The following RPS6KC1 variants were observed in gnomAD, a reference collection of about 807,000 sequenced individuals.
RPS6KC1 encodes the protein inactive ribosomal protein S6 kinase delta-1.
RPS6KC1 carries 54 observed loss-of-function variants against 103.8 expected under a neutral mutation model. That is an observed-to-expected ratio of 0.52 (90% CI 0.42 to 0.65). The LOEUF is 0.65. RPS6KC1 is among the 30% of genes least tolerant of loss of function. The probability of loss-of-function intolerance (pLI) is 0.00; values close to 1 mark genes in which losing one functional copy is unlikely to be tolerated. For missense variants in RPS6KC1, 1,151 were observed against 1,253.8 expected (o/e 0.92, Z 1.24); for synonymous variants, 439 against 438.7 (o/e 1.00, Z -0.01).
chr1:213,127,479 C>A (rs1043525806), intron 5 of RPS6KC1, among the ~76,000 whole-genome samples: 1 of 152,174 alleles, frequency 6.6e-6, no homozygotes, highest in African/African-American at 2.4e-5. Context: ...CTACCATGGT[C>A]GTCTTGAGGA....
the RPS6KC1 span, among the ~76,000 whole-genome samples, chr1:213,397,590 C>CAA: frequency 6.7e-5 from 1 of 14,952 alleles, no homozygotes; most frequent in African/African-American, 2.3e-4. Flanking sequence ...GGAACACATA[C>CAA]ACACACACAC....
At chr1:213,692,217 A>G in the RPS6KC1 span, among the ~76,000 whole-genome samples, 6 of 152,102 alleles carry the variant, frequency 3.9e-5, no homozygotes, top group Non-Finnish European at 8.8e-5. Context: ...AGTCTGGCCA[A>G]CATGGTGAAA....
chr1:213,810,620 G>A, the RPS6KC1 span, among the ~76,000 whole-genome samples: 8 of 152,234 alleles, frequency 5.3e-5, no homozygotes, highest in East Asian at 5.8e-4. Flanking sequence ...AAATGACTGC[G>A]TAAAGAAACA....
Position 213,117,396 on chromosome 1 carries a change from A to C in RPS6KC1, c.458A>C (p.Glu153Ala). 2 of 1,601,208 alleles carry C rather than the reference A, an allele frequency of 1.2e-6. No homozygotes were observed. Among genetic ancestry groups the C allele is most frequent in the Non-Finnish European group, 1.7e-6 (2 of 1,169,632 alleles). Residue 153 changes from glutamate (E) to alanine (A), a missense_variant, in exon 5 of 15, where the codon GAG (glutamate) becomes GCG (alanine). Around this residue, in one of 3 missense-constraint regions of RPS6KC1, gnomAD observed 959 missense variants for 1,006.3 expected, o/e 0.95. Coordinates refer to ENST00000366960, the MANE Select transcript of RPS6KC1 (RefSeq NM_012424.6). ...GATTCCCTCATTGATACCTTTCCTG[A>C]GTGTAGTACGGAAGGTAAGAGATTT... ...HSDSLIDTFPECSTEGFSSDS... is the reference protein window; with the variant it reads ...HSDSLIDTFPACSTEGFSSDS...
intron 3 of RPS6KC1, among the ~76,000 whole-genome samples, chr1:213,094,433 T>C (rs1443524536): frequency 7.0e-6 from 1 of 142,144 alleles, no homozygotes; most frequent in East Asian, 2.0e-4. Context: ...GTTTCTTTAA[T>C]CTAGAATAGT....
At chr1:213,540,185 AC>A in the RPS6KC1 span, among the ~76,000 whole-genome samples, 6 of 151,976 alleles carry the variant, frequency 3.9e-5, no homozygotes, top group African/African-American at 1.4e-4. Context: ...CAATCATAGC[AC>A]CCTGTAACTT....
chr1:213,385,141 A>G, the RPS6KC1 span, among the ~76,000 whole-genome samples: 1 of 152,208 alleles, frequency 6.6e-6, no homozygotes, highest in East Asian at 1.9e-4. Flanking sequence ...TAACTTTAAA[A>G]ATAGAAGATG....
chr1:213,860,100 T>C, the RPS6KC1 span, among the ~76,000 whole-genome samples: 2 of 151,474 alleles, frequency 1.3e-5, no homozygotes, highest in East Asian at 3.9e-4. Flanking sequence ...TAAATATAGA[T>C]ACGTATATAT....
At chr1:213,437,183 T>C in the RPS6KC1 span, among the ~76,000 whole-genome samples, 1 of 152,142 alleles carries the variant, frequency 6.6e-6, no homozygotes, top group Non-Finnish European at 1.5e-5. Flanking sequence ...CTTTTTAAAA[T>C]TTCTAGATTG....
the RPS6KC1 span, among the ~76,000 whole-genome samples, chr1:213,440,838 A>G: frequency 6.6e-6 from 1 of 152,156 alleles, no homozygotes; most frequent in Non-Finnish European, 1.5e-5. Flanking sequence ...AGGGCTTCCC[A>G]CCCATCACCC....
At chr1:213,598,415 C>A in the RPS6KC1 span, among the ~76,000 whole-genome samples, 1 of 152,176 alleles carries the variant, frequency 6.6e-6, no homozygotes, top group Non-Finnish European at 1.5e-5. Context: ...GAGTTCCAAT[C>A]CCAGCTCTGC....
chr1:213,146,971 ATGTT>A (rs1465263981), intron 6 of RPS6KC1, among the ~76,000 whole-genome samples: 4 of 151,742 alleles, frequency 2.6e-5, no homozygotes, highest in African/African-American at 4.8e-5. Flanking sequence ...ACCTTTTCTT[ATGTT>A]TGTTTGCCAT....
chr1:213,159,855 G>GATTACTC (rs1339050954), intron 6 of RPS6KC1, among the ~76,000 whole-genome samples: 1 of 152,084 alleles, frequency 6.6e-6, no homozygotes, highest in African/African-American at 2.4e-5. Flanking sequence ...TATTCCCTGT[G>GATTACTC]ATTACTCAAA....
chr1:213,619,657 A>T, the RPS6KC1 span, among the ~76,000 whole-genome samples: 22 of 152,228 alleles, frequency 1.4e-4, no homozygotes, highest in African/African-American at 5.3e-4. Context: ...TTGCTACTCA[A>T]GGTATGGCCT....
chr1:213,470,214 T>C, the RPS6KC1 span, among the ~76,000 whole-genome samples: 1 of 152,252 alleles, frequency 6.6e-6, no homozygotes, highest in Admixed American at 6.5e-5. Flanking sequence ...TCTTTCAATC[T>C]GTTGCTTTCC....
the RPS6KC1 span, among the ~76,000 whole-genome samples, chr1:213,287,254 G>C: frequency 6.6e-6 from 1 of 151,148 alleles, no homozygotes; most frequent in African/African-American, 2.4e-5. Context: ...GTGTGTGTGT[G>C]TGTGTGTGTG....
the RPS6KC1 span, among the ~76,000 whole-genome samples, chr1:213,376,530 A>C: frequency 6.6e-6 from 1 of 152,142 alleles, no homozygotes; most frequent in African/African-American, 2.4e-5. Context: ...AATTAAAAAA[A>C]AAAAAGATAT....
chr1:213,261,367 T>G (rs2094791430), intron 12 of RPS6KC1, among the ~76,000 whole-genome samples, 191 bp from the exon 13 acceptor site: 1 of 150,784 alleles, frequency 6.6e-6, no homozygotes, highest in Admixed American at 6.6e-5. Flanking sequence ...TATGACTGCA[T>G]CAAAAAAAAA....
chr1:213,307,880 C>T, the RPS6KC1 span, among the ~76,000 whole-genome samples: 56 of 152,308 alleles, frequency 3.7e-4, no homozygotes, highest in Non-Finnish European at 6.6e-4. Context: ...CTTGGCTCCC[C>T]CAGTCTCCCG....
Sources: allele counts gnomAD v4.1 joint callset (sites outside exome capture counted in the v4.1 genomes callset), GRCh38; gene constraint gnomAD v4.1.1; regional missense constraint gnomAD v4.1.1; transcripts MANE v1.5; gene names NCBI Gene and HGNC (gene_info 2026-07-23, HGNC 2026-07-21).